Variants in GZMA observed in about 807,000 individuals in gnomAD.
GZMA encodes CTL tryptase.
Under a neutral mutation model 21.1 loss-of-function variants are expected in GZMA, and 17 were observed. That is an observed-to-expected ratio of 0.81 (90% CI 0.55 to 1.21). The LOEUF (loss-of-function observed/expected upper bound fraction) is 1.21. Among genes scored for constraint, GZMA ranks in the 50% most tolerant of loss-of-function variants. The pLI is 0.00. For missense variants in GZMA, 306 were observed against 315.9 expected, an observed-to-expected ratio of 0.97 and a Z score of 0.24; for synonymous variants, 90 against 107.8, an observed-to-expected ratio of 0.83 and a Z score of 1.03.
At chr5:55,107,604 G>A (rs1002915800) in intron 2 of GZMA, among the ~76,000 whole-genome samples, 190 bp from the exon 3 acceptor site, 8 of 152,110 alleles carry the variant, frequency 5.3e-5, no homozygotes, top group African/African-American at 1.7e-4. Flanking sequence ...TGATGATGAC[G>A]ATAAATTCAT....
At chr5:55,109,418 C>G (rs1040763158) in intron 4 of GZMA, among the ~76,000 whole-genome samples, 2 of 152,170 alleles carry the variant, frequency 1.3e-5, no homozygotes, top group African/African-American at 4.8e-5. Flanking sequence ...CAATCCTTGC[C>G]TGTTCTCTCA....
At chr5:55,103,605 C>G (rs1170622720) in intron 1 of GZMA, among the ~76,000 whole-genome samples, 1 of 152,214 alleles carries the variant, frequency 6.6e-6, no homozygotes, top group Non-Finnish European at 1.5e-5. Flanking sequence ...TACTCTCAAG[C>G]TGTGGCAATA....
chr5:55,103,693 A>G (rs1198894126), intron 1 of GZMA, among the ~76,000 whole-genome samples: 1 of 152,178 alleles, frequency 6.6e-6, no homozygotes, highest in Non-Finnish European at 1.5e-5. Flanking sequence ...CCTTGCCAGG[A>G]ATTCCCAAAG....
intron 4 of GZMA, among the ~76,000 whole-genome samples, chr5:55,109,447 T>A (rs529961076): frequency 6.6e-6 from 1 of 152,202 alleles, no homozygotes; most frequent in African/African-American, 2.4e-5. Context: ...GAATTGGCTA[T>A]TGATGAATTA....
chr5:55,110,204 C>T lies in GZMA; in HGVS notation c.*22C>T, dbSNP rs774472422. 3 of 1,526,546 alleles carry T rather than the reference C, an allele frequency of 2.0e-6. No homozygotes were observed. Among genetic ancestry groups the T allele is most frequent in the Non-Finnish European group, 2.7e-6 (3 of 1,125,096 alleles). The allele number at this position is 1,526,546 out of a possible 1,614,324, so 94.6% of individuals were successfully genotyped here. A position where few individuals can be genotyped will look rare whatever the true frequency, so the allele number is the denominator to read the frequency against. On this transcript the variant is annotated 3_prime_UTR_variant, in exon 5 of 5. Transcript: ENST00000274306. ...TTAAATAACCGTTTCCTTTCATTTA[C>T]TGTGGCTTCTTAATCTTTTCACAAA... is the stretch of plus-strand genomic sequence containing the variant.
Position 55,105,586 on chromosome 5 carries a change from AGACTGGGTGTT to A in GZMA, c.189_199del (p.Trp63CysfsTer5), listed in dbSNP as rs770672353. 1 of 1,613,964 alleles carries A rather than the reference AGACTGGGTGTT, an allele frequency of 6.2e-7. No individual in the cohort carries two copies. Among genetic ancestry groups the A allele is most frequent in the African/African-American group, 1.3e-5 (1 of 75,044 alleles). Reference sequence around the variant, plus strand: ...TCTGTGCTGGGGCTTTGATTGCAAAAGACTGGGTGTTGACTGCAGCTCACTGTAACTTGTAA... The same window carrying A: ...TCTGTGCTGGGGCTTTGATTGCAAAAGACTGCAGCTCACTGTAACTTGTAA... On this transcript the variant is annotated frameshift_variant, in exon 2 of 5. Transcript: ENST00000274306. LOFTEE classifies it high-confidence loss of function.
At chr5:55,104,664 C>T (rs1742354186) in intron 1 of GZMA, among the ~76,000 whole-genome samples, 1 of 152,180 alleles carries the variant, frequency 6.6e-6, no homozygotes. Context: ...GTGGAGCACT[C>T]GGAGTGTATC....
In GZMA at chr5:55,103,663, G is replaced by A. The variant is rs189528717; in HGVS notation, c.70+911G>A. Among the ~76,000 whole-genome samples the A allele has an allele frequency of 1.2e-3, 185 of 152,272 alleles. 1 individual carries two copies. The highest frequency in any genetic ancestry group is 4.4e-3 in the African/African-American group (182 of 41,552). On this transcript the variant is annotated intron_variant, in intron 1 of 4. Coordinates refer to ENST00000274306, the MANE Select transcript of GZMA (RefSeq NM_006144.4). ...CAGGATTCATCAGCTTTTGGAGGCA[G>A]GGACTTATGTAATAACCTGCCTTGC...
intron 2 of GZMA, among the ~76,000 whole-genome samples, chr5:55,106,761 C>T (rs964971727): frequency 6.6e-6 from 1 of 152,176 alleles, no homozygotes; most frequent in Non-Finnish European, 1.5e-5. Flanking sequence ...CTGGTCTTTT[C>T]CTACTCTCTA....
At chr5:55,102,807 T>C in intron 1 of GZMA, 55 bp downstream of exon 1, 1 of 1,100,598 alleles carries the variant, frequency 9.1e-7, no homozygotes, top group Non-Finnish European at 1.4e-6. Flanking sequence ...TGGAGCAGAC[T>C]TTCAATGAAC....
At chr5:55,105,647 T>C in intron 2 of GZMA, 29 bp downstream of exon 2, 1 of 1,588,734 alleles carries the variant, frequency 6.3e-7, no homozygotes. Flanking sequence ...AAAAAAAAGT[T>C]TGTAAAGATA....
intron 3 of GZMA, 69 bp from the exon 4 acceptor site, chr5:55,108,056 T>C: frequency 7.0e-7 from 1 of 1,422,774 alleles, no homozygotes; most frequent in South Asian, 1.3e-5. Context: ...ATCCTGAAAT[T>C]TTGGACTATA....
Position 55,105,463 on chromosome 5 carries a change from C to T in GZMA, c.71-11C>T, listed in dbSNP as rs372552582. On this transcript the variant is annotated splice_polypyrimidine_tract_variant and intron_variant, in intron 1 of 4. Transcript: ENST00000274306. ...GAGCACCAATCTGATTTGTCTTTTT[C>T]CATTGAACAGATGTCTGTGAAAAAA... 96 of 1,608,888 alleles carry T rather than the reference C, an allele frequency of 6.0e-5. No individual in the cohort carries two copies. The highest frequency in any genetic ancestry group is 7.9e-5 in the Non-Finnish European group (93 of 1,177,468).
At chr5:55,105,435 G>A (rs1742370252) in intron 1 of GZMA, 39 bp from the exon 2 acceptor site, 2 of 1,573,692 alleles carry the variant, frequency 1.3e-6, no homozygotes, top group Middle Eastern at 1.7e-4. Flanking sequence ...GCTCTTTGGG[G>A]GTGAGCACCA....
rs1281334431 is a variant in GZMA at position 55,105,676 on chromosome 5, T to A, written c.215+58T>A. ...AAAGATACTCTAATTTGGGGAAACA[T>A]TAATAAAAAGAGTAGGCCGGGCACA... is the stretch of plus-strand genomic sequence containing the variant. On this transcript the variant is annotated intron_variant, in intron 2 of 4. Coordinates refer to ENST00000274306, the MANE Select transcript of GZMA (RefSeq NM_006144.4). 9.4e-6 allele frequency: 14 copies of A among 1,484,454 alleles called. No individual in the cohort carries two copies. The East Asian group carries it at 3.2e-4, about 34-fold the overall frequency. The allele number at this position is 1,484,454 out of a possible 1,614,324, so 92.0% of individuals were successfully genotyped here.
In GZMA at chr5:55,107,916, G is replaced by C; in HGVS notation, c.338G>C (p.Gly113Ala). 1 of 1,613,366 alleles carries C rather than the reference G, an allele frequency of 6.2e-7. No individual in the cohort carries two copies. Among genetic ancestry groups the C allele is most frequent in the Non-Finnish European group, 8.5e-7 (1 of 1,179,424 alleles). ...YPCYDPATRE[G>A]DLKLLQLMEK... ...TGCTATGACCCAGCCACACGCGAAGGTGACCTTAAACTTTTACAGGTACGT... is the reference window on the plus strand; with the variant it reads ...TGCTATGACCCAGCCACACGCGAAGCTGACCTTAAACTTTTACAGGTACGT... The change falls in exon 3 of 5, where the codon GGT becomes GCT. Residue 113 changes from glycine (G) to alanine (A), a missense_variant. By Grantham distance (60) the Gly-to-Ala change is moderately conservative. Coordinates refer to ENST00000274306, the MANE Select transcript of GZMA (RefSeq NM_006144.4).
intron 1 of GZMA, among the ~76,000 whole-genome samples, chr5:55,104,253 C>G (rs1742349032): frequency 6.6e-6 from 1 of 152,140 alleles, no homozygotes; most frequent in African/African-American, 2.4e-5. Context: ...GCAGTGTGGG[C>G]CCATATAAGG....
chr5:55,108,016 C>A lies in GZMA; in HGVS notation c.357+81C>A, dbSNP rs1387311188. ...CCGACGTGAAAACCTTTCCTTGGTG[C>A]CCCTGTTGTAAAAACTCACAATAAA... On this transcript the variant is annotated intron_variant, in intron 3 of 4. Transcript: ENST00000274306. 2.1e-6 allele frequency: 3 copies of A among 1,419,672 alleles called. No homozygotes were observed. In the Admixed American group the frequency reaches 5.6e-5, roughly 27 times the overall value. The allele number at this position is 1,419,672 out of a possible 1,614,324, so 87.9% of individuals were successfully genotyped here.
Position 55,102,680 on chromosome 5 carries a change from A to G in GZMA, c.-3A>G, listed in dbSNP as rs1349156865. The G allele has an allele frequency of 3.1e-6, 5 of 1,597,928 alleles. No individual in the cohort carries two copies. The highest frequency in any genetic ancestry group is 4.3e-6 in the Non-Finnish European group (5 of 1,165,218). On this transcript the variant is annotated 5_prime_UTR_variant, in exon 1 of 5. Coordinates refer to ENST00000274306, the MANE Select transcript of GZMA (RefSeq NM_006144.4). Reference sequence around the variant, plus strand: ...GGTTGATTGATGTGGGACAGCAGCCACAATGAGGAACTCCTATAGATTTCT... The same window carrying G: ...GGTTGATTGATGTGGGACAGCAGCCGCAATGAGGAACTCCTATAGATTTCT...
Sources: allele counts gnomAD v4.1 joint callset (sites outside exome capture counted in the v4.1 genomes callset), GRCh38; gene constraint gnomAD v4.1.1; transcripts MANE v1.5; gene names NCBI Gene and HGNC (gene_info 2026-07-23, HGNC 2026-07-21).